GSG1L: variants seen among roughly 807,000 people sequenced by gnomAD.
GSG1L encodes the protein GSG1 like.
In GSG1L, 24 loss-of-function variants were observed where a neutral mutation model predicts 42.1. The observed-to-expected ratio is 0.57, with a 90% CI of 0.41 to 0.80. The LOEUF (loss-of-function observed/expected upper bound fraction) is 0.80, where lower values mean the gene tolerates loss of function less well. Among genes scored for constraint, GSG1L ranks in the 30% least tolerant of loss-of-function variants. GSG1L has a pLI of 0.00. For synonymous variants in GSG1L, 215 were observed against 203.5 expected (o/e 1.06, Z -0.48); for missense variants, 445 against 472.2 (o/e 0.94, Z 0.53).
chr16:27,860,843 C>A (rs1184077745), intron 3 of GSG1L, among the ~76,000 whole-genome samples: 1 of 152,192 alleles, frequency 6.6e-6, no homozygotes, highest in Non-Finnish European at 1.5e-5. Context: ...TCAGAAAGGG[C>A]CAGTGGGAGG....
rs574310420 is a variant in GSG1L, at chr16:28,005,961, C to T, written c.350-42758G>A. The stretch of plus-strand genomic sequence containing the variant: ...GTAGCCCCTGAAATGGGGAGATGAT[C>T]CGTTATCCAAGTTGACCCAATGTCA... On this transcript the variant is annotated intron_variant, in intron 1 of 6. Transcript: ENST00000447459. Among the ~76,000 whole-genome samples the T allele has an allele frequency of 9.1e-4, 138 of 152,252 alleles. 2 individuals are homozygous for T. The highest frequency in any genetic ancestry group is 3.2e-3 in the African/African-American group (132 of 41,548).
intron 3 of GSG1L, among the ~76,000 whole-genome samples, chr16:27,872,330 G>A (rs957795254): frequency 1.3e-5 from 2 of 152,198 alleles, no homozygotes; most frequent in Admixed American, 1.3e-4. Flanking sequence ...TATGGACATG[G>A]ATGGCCAGCA....
At chr16:27,828,729 G>A in intron 5 of GSG1L, 60 bp downstream of exon 5, 1 of 1,535,584 alleles carries the variant, frequency 6.5e-7, no homozygotes, top group Admixed American at 1.8e-5. Context: ...TGGCCACTGA[G>A]GCCAGGCCGT....
chr16:27,867,294 A>G (rs2083740721), intron 3 of GSG1L, among the ~76,000 whole-genome samples: 1 of 152,036 alleles, frequency 6.6e-6, no homozygotes, highest in South Asian at 2.1e-4. Context: ...CAGCTCTCCC[A>G]CTCATGCTGT....
At chr16:27,806,557 C>T (rs992739113) in intron 6 of GSG1L, among the ~76,000 whole-genome samples, 1 of 152,154 alleles carries the variant, frequency 6.6e-6, no homozygotes, top group Non-Finnish European at 1.5e-5. Context: ...ACTCTTTATG[C>T]CTCAGGGGGA....
Position 27,979,702 on chromosome 16 carries a change from G to A in GSG1L, c.350-16499C>T, listed in dbSNP as rs1393603189. ...GAGAAAGAAAGAAGGAAGGAAGGAA[G>A]GAAGGAAGGAAGGAAGGAAGGAAGG... On this transcript the variant is annotated intron_variant, in intron 1 of 6. Transcript: ENST00000447459. 5.0e-3 allele frequency among the ~76,000 whole-genome samples: 188 copies of A among 37,362 alleles called. 5 individuals carry two copies. Among genetic ancestry groups the A allele is most frequent in the African/African-American group, 0.022 (169 of 7,814 alleles). 24.5% of individuals were successfully genotyped at this position (37,362 alleles called of 152,430 possible).
chr16:27,821,937 A>G (rs1049002099), intron 5 of GSG1L, among the ~76,000 whole-genome samples: 5 of 150,006 alleles, frequency 3.3e-5, no homozygotes, highest in Non-Finnish European at 7.4e-5. Flanking sequence ...AATAAATAAG[A>G]ATTTTGAAAC....
chr16:27,806,392 A>G (rs2082962632), intron 6 of GSG1L, among the ~76,000 whole-genome samples: 1 of 152,248 alleles, frequency 6.6e-6, no homozygotes, highest in Non-Finnish European at 1.5e-5. Context: ...ACCTGTGTTT[A>G]AATCTCTGCC....
chr16:27,972,791 T>G lies in GSG1L; in HGVS notation c.350-9588A>C, dbSNP rs1000151867. On this transcript the variant is annotated intron_variant, in intron 1 of 6. Coordinates refer to ENST00000447459, the MANE Select transcript of GSG1L (RefSeq NM_001109763.2). ...TTGGTCAGGGTGGAGCCCATATATC[T>G]TAGCGTTTTAAAAGCTCCCAGGTGA... Among the ~76,000 whole-genome samples the G allele has an allele frequency of 3.3e-5, 5 of 152,364 alleles. No individual in the cohort carries two copies. The Middle Eastern group carries it at 0.014, about 415-fold the overall frequency.
chr16:27,873,459 G>C (rs761358928), intron 3 of GSG1L, among the ~76,000 whole-genome samples: 25 of 152,098 alleles, frequency 1.6e-4, no homozygotes, highest in Non-Finnish European at 3.2e-4. Flanking sequence ...AATCTAAAAA[G>C]TTCTGAATTC....
chr16:28,042,819 T>G (rs2086122089), intron 1 of GSG1L, among the ~76,000 whole-genome samples: 1 of 152,162 alleles, frequency 6.6e-6, no homozygotes, highest in Non-Finnish European at 1.5e-5. Context: ...ATATAAACTC[T>G]ATCACGAAGA....
At chr16:28,046,300 C>T (rs563564168) in intron 1 of GSG1L, among the ~76,000 whole-genome samples, 1 of 148,572 alleles carries the variant, frequency 6.7e-6, no homozygotes, top group African/African-American at 2.5e-5. Flanking sequence ...GGAAAACAAG[C>T]ACTGGGGAGT....
intron 6 of GSG1L, among the ~76,000 whole-genome samples, chr16:27,799,191 GC>G (rs1270742786): frequency 4.0e-5 from 6 of 151,314 alleles, no homozygotes; most frequent in Non-Finnish European, 7.4e-5. Flanking sequence ...ATTGCTGGAG[GC>G]CAGGAGTTCG....
rs371405333 is a variant in GSG1L at position 27,985,443 on chromosome 16, G to A, written c.350-22240C>T. Among the ~76,000 whole-genome samples, 50 of 152,200 alleles carry A rather than the reference G, an allele frequency of 3.3e-4. No individual in the cohort carries two copies. In the East Asian group the frequency reaches 5.2e-3, roughly 16 times the overall value. On this transcript the variant is annotated intron_variant, in intron 1 of 6. Coordinates refer to ENST00000447459, the MANE Select transcript of GSG1L (RefSeq NM_001109763.2). ...CACACTGCCTTCCCCTTCACCATCC[G>A]CCATGATTGGAAACTTCCTGCAGTC... is the stretch of plus-strand genomic sequence containing the variant.
At chr16:28,044,551 C>T (rs2086141830) in intron 1 of GSG1L, among the ~76,000 whole-genome samples, 2 of 151,148 alleles carry the variant, frequency 1.3e-5, no homozygotes, top group Non-Finnish European at 2.9e-5. Context: ...CACACCCAGA[C>T]GATGGCATGT....
At chr16:27,946,612 AGAGAG>A (rs1567529930) in intron 2 of GSG1L, among the ~76,000 whole-genome samples, 256 of 12,248 alleles carry the variant, frequency 0.021, 5 homozygotes, top group African/African-American at 0.057. Flanking sequence ...AGAGAGAGAG[AGAGAG>A]AGAGAGAGAG....
intron 2 of GSG1L, among the ~76,000 whole-genome samples, chr16:27,946,544 CAAAA>C (rs1298148929): frequency 3.9e-5 from 4 of 103,604 alleles, no homozygotes; most frequent in East Asian, 6.8e-4. Flanking sequence ...GACTCTGTCT[CAAAA>C]AAAAGAAAGA....
Position 28,005,092 on chromosome 16 carries a change from T to C in GSG1L, c.350-41889A>G, listed in dbSNP as rs543381591. Among the ~76,000 whole-genome samples the C allele has an allele frequency of 6.7e-4, 102 of 152,244 alleles. 2 individuals are homozygous for C. The South Asian group carries it at 0.021, about 31-fold the overall frequency. On this transcript the variant is annotated intron_variant, in intron 1 of 6. Coordinates refer to ENST00000447459, the MANE Select transcript of GSG1L (RefSeq NM_001109763.2). ...TAGGGCTGATTCCTTCTGAGGGCTG[T>C]GGGGGAAGGATCTGTTTCCGGCCTC... is the stretch of plus-strand genomic sequence containing the variant.
At chr16:28,028,430 TACGATTCCCGAGTGTAA>T (rs2085923788) in intron 1 of GSG1L, among the ~76,000 whole-genome samples, 1 of 152,026 alleles carries the variant, frequency 6.6e-6, no homozygotes, top group Non-Finnish European at 1.5e-5. Flanking sequence ...AACCTAGGCC[TACGATTCCCGAGTGTAA>T]ACTGTTTACC....
Sources: allele counts gnomAD v4.1 joint callset (sites outside exome capture counted in the v4.1 genomes callset), GRCh38; gene constraint gnomAD v4.1.1; transcripts MANE v1.5; gene names NCBI Gene and HGNC (gene_info 2026-07-23, HGNC 2026-07-21).